The following EPHA3 variants were observed in gnomAD, a reference collection of about 807,000 sequenced individuals.
EPHA3 encodes EPH receptor A3, also known as ephrin type-A receptor 3.
Under a neutral mutation model 107.1 loss-of-function variants are expected in EPHA3, and 42 were observed. The ratio of observed to expected loss-of-function variants is 0.39; its 90% confidence interval spans 0.31 to 0.51. EPHA3 has a LOEUF of 0.51. Among genes scored for constraint, EPHA3 ranks in the 20% least tolerant of loss-of-function variants. The probability of loss-of-function intolerance (pLI) is 0.78; values close to 1 mark genes in which losing one functional copy is unlikely to be tolerated. For missense variants in EPHA3, 1,183 were observed against 1,211.2 expected (o/e 0.98, Z 0.35); for synonymous variants, 461 against 424.8 (o/e 1.09, Z -1.05).
chr3:89,360,108 A>G (rs1030475624), intron 5 of EPHA3, among the ~76,000 whole-genome samples: 2 of 150,388 alleles, frequency 1.3e-5, no homozygotes, highest in Non-Finnish European at 3.0e-5. Flanking sequence ...CCAGTGCACC[A>G]ATAATTTCCA....
rs771735631 is a variant in EPHA3 at position 89,107,718 on chromosome 3, T to G, written c.-31T>G. 1.9e-6 allele frequency: 3 copies of G among 1,592,946 alleles called. No homozygotes were observed. Among genetic ancestry groups the G allele is most frequent in the East Asian group, 2.2e-5 (1 of 44,740 alleles). ...ATCAGTGGCATGCTTCATGGAGATA[T>G]GCTCCTCTCACTGCCCTCTGCACCA... is the stretch of plus-strand genomic sequence containing the variant. On this transcript the variant is annotated 5_prime_UTR_variant, in exon 1 of 17. It removes an upstream start codon present in the reference 5' UTR. Coordinates refer to ENST00000336596, the MANE Select transcript of EPHA3 (RefSeq NM_005233.6).
At chr3:89,230,122 G>C (rs1207160366) in intron 3 of EPHA3, among the ~76,000 whole-genome samples, 1 of 152,036 alleles carries the variant, frequency 6.6e-6, no homozygotes, top group Non-Finnish European at 1.5e-5. Context: ...TACCAGTGAA[G>C]AGAGGAAGAC....
chr3:89,149,881 G>A (rs1704651893), intron 2 of EPHA3, among the ~76,000 whole-genome samples: 1 of 151,884 alleles, frequency 6.6e-6, no homozygotes, highest in Non-Finnish European at 1.5e-5. Context: ...AGAAAGTTTA[G>A]GTCAAATATT....
At position 89,422,069 on chromosome 3, in the gene EPHA3, G is replaced by C. The variant is rs140135398; in HGVS notation, c.2074+2679G>C. 1.1e-4 allele frequency among the ~76,000 whole-genome samples: 16 copies of C among 151,116 alleles called. No individual in the cohort carries two copies. In the East Asian group the frequency reaches 3.1e-3, roughly 29 times the overall value. On this transcript the variant is annotated intron_variant, in intron 11 of 16. Coordinates refer to ENST00000336596, the MANE Select transcript of EPHA3 (RefSeq NM_005233.6). ...TCTCATATATTGTAAATATAATAGA[G>C]TAGTAGCCCTAGAATTAGATTTTGA...
intron 5 of EPHA3, among the ~76,000 whole-genome samples, chr3:89,369,219 T>G (rs1708243928): frequency 6.6e-6 from 1 of 150,966 alleles, no homozygotes; most frequent in Admixed American, 6.6e-5. Context: ...AGAACAAAGC[T>G]GGAGCCATCA....
intron 3 of EPHA3, among the ~76,000 whole-genome samples, chr3:89,335,011 T>G (rs1364532115): frequency 6.6e-6 from 1 of 152,180 alleles, no homozygotes; most frequent in Non-Finnish European, 1.5e-5. Flanking sequence ...AATTCTCAGG[T>G]GAGAAGATCC....
intron 5 of EPHA3, among the ~76,000 whole-genome samples, chr3:89,351,167 T>G (rs1192912462): frequency 1.3e-5 from 2 of 151,330 alleles, no homozygotes; most frequent in Non-Finnish European, 3.0e-5. Context: ...TCCCCGCTGC[T>G]TTGTTTACCT....
At chr3:89,399,940 G>C (rs1708924881) in intron 7 of EPHA3, 2 of 1,051,420 alleles carry the variant, frequency 1.9e-6, no homozygotes, top group South Asian at 4.6e-5. Flanking sequence ...TCTAAAATGT[G>C]TTTTATCACT....
Position 89,219,696 on chromosome 3 carries a change from T to G in EPHA3, c.814+9176T>G, listed in dbSNP as rs1462061120. Among the ~76,000 whole-genome samples the G allele has an allele frequency of 4.8e-4, 6 of 12,520 alleles. 1 individual carries two copies. In the Admixed American group the frequency reaches 6.4e-3, roughly 13 times the overall value. The allele number at this position is 12,520 out of a possible 152,430, so 8.2% of individuals were successfully genotyped here. ...AAGAGGCATTTGGCAATGTTTTTTT[T>G]TTTTTTGTTTTTTGTTTTTTTTTTT... is the stretch of plus-strand genomic sequence containing the variant. On this transcript the variant is annotated intron_variant, in intron 3 of 16. Transcript: ENST00000336596.
At chr3:89,169,933 A>C (rs1008684754) in intron 2 of EPHA3, among the ~76,000 whole-genome samples, 1 of 152,188 alleles carries the variant, frequency 6.6e-6, no homozygotes, top group African/African-American at 2.4e-5. Flanking sequence ...CGGCTCTGAA[A>C]GTCAACAAAC....
intron 3 of EPHA3, among the ~76,000 whole-genome samples, chr3:89,340,151 C>T (rs771410013): frequency 2.6e-5 from 4 of 151,970 alleles, no homozygotes; most frequent in African/African-American, 7.2e-5. Context: ...AATCAATGTT[C>T]GATAACCAGT....
At chr3:89,452,991 A>G (rs1174526080) in intron 15 of EPHA3, among the ~76,000 whole-genome samples, 1 of 152,112 alleles carries the variant, frequency 6.6e-6, no homozygotes, top group Non-Finnish European at 1.5e-5. Context: ...AATCACTATG[A>G]TTGAATTTAG....
intron 11 of EPHA3, among the ~76,000 whole-genome samples, chr3:89,423,884 C>T (rs563037872): frequency 1.3e-5 from 2 of 151,308 alleles, no homozygotes; most frequent in Admixed American, 6.6e-5. Flanking sequence ...TGTTAGAGCA[C>T]GATTTGTGTG....
At chr3:89,343,681 A>T (rs1707583355) in intron 5 of EPHA3, among the ~76,000 whole-genome samples, 1 of 152,182 alleles carries the variant, frequency 6.6e-6, no homozygotes, top group African/African-American at 2.4e-5. Flanking sequence ...TTCTGGTCTC[A>T]TATATTGATG....
At chr3:89,233,419 G>A (rs1477964003) in intron 3 of EPHA3, among the ~76,000 whole-genome samples, 1 of 152,060 alleles carries the variant, frequency 6.6e-6, no homozygotes, top group Non-Finnish European at 1.5e-5. Flanking sequence ...AGTTGTTAAG[G>A]CATGAGCAGC....
At chr3:89,150,935 C>A (rs574772412) in intron 2 of EPHA3, among the ~76,000 whole-genome samples, 76 of 151,960 alleles carry the variant, frequency 5.0e-4, no homozygotes, top group Non-Finnish European at 1.3e-4. Context: ...ATGGATCATG[C>A]CACTGCACTC....
intron 2 of EPHA3, among the ~76,000 whole-genome samples, chr3:89,132,132 T>C (rs1168482475): frequency 1.3e-5 from 2 of 152,172 alleles, no homozygotes; most frequent in Non-Finnish European, 2.9e-5. Flanking sequence ...AGACCCATCA[T>C]TTCCTCCGTT....
At chr3:89,130,506 G>A (rs944532231) in intron 2 of EPHA3, among the ~76,000 whole-genome samples, 8 of 151,838 alleles carry the variant, frequency 5.3e-5, no homozygotes, top group African/African-American at 9.7e-5. Context: ...GTGAAGAGTA[G>A]TTCATTCCTA....
chr3:89,190,250 T>C (rs1325912891), intron 2 of EPHA3, among the ~76,000 whole-genome samples: 1 of 152,184 alleles, frequency 6.6e-6, no homozygotes, highest in Admixed American at 6.5e-5. Context: ...CTGATGATAG[T>C]ACTTTAAATT....
Sources: gnomAD v4.1 joint callset for allele counts (sites outside exome capture counted in the v4.1 genomes callset) on GRCh38, gnomAD v4.1.1 for gene constraint, MANE v1.5 for transcripts, NCBI Gene and HGNC (gene_info 2026-07-23, HGNC 2026-07-21) for gene names.